SH3RF3: variants seen among roughly 807,000 people sequenced by gnomAD.
The protein encoded by SH3RF3 is SH3 domain containing ring finger 3.
SH3RF3 carries 29 observed loss-of-function variants against 66.3 expected under a neutral mutation model. The ratio of observed to expected loss-of-function variants is 0.44; its 90% CI spans 0.33 to 0.60. The LOEUF is 0.60. SH3RF3 is among the 20% of genes least tolerant of loss of function. The pLI is 0.04. For missense variants in SH3RF3, 1,194 were observed against 1,190.9 expected (o/e 1.00, Z -0.04); for synonymous variants, 583 against 532.0 (o/e 1.10, Z -1.32).
intron 1 of SH3RF3, among the ~76,000 whole-genome samples, chr2:109,323,255 T>C (rs995443466): frequency 1.3e-4 from 20 of 151,852 alleles, no homozygotes; most frequent in Middle Eastern, 3.4e-3. Flanking sequence ...GGGCTGGGAG[T>C]CATTGGGTGT....
chr2:109,458,998 A>G (rs1048977848), intron 8 of SH3RF3, among the ~76,000 whole-genome samples: 14 of 152,184 alleles, frequency 9.2e-5, no homozygotes, highest in African/African-American at 3.4e-4. Context: ...GTTTCCACAT[A>G]AAGACAAAAG....
chr2:109,386,770 C>G (rs186080274), intron 3 of SH3RF3, among the ~76,000 whole-genome samples: 1 of 152,168 alleles, frequency 6.6e-6, no homozygotes, highest in Non-Finnish European at 1.5e-5. Context: ...GAAGAGGAAA[C>G]CTTTGCTAGA....
intron 3 of SH3RF3, among the ~76,000 whole-genome samples, chr2:109,395,947 G>C (rs921726405): frequency 2.6e-5 from 4 of 152,230 alleles, no homozygotes; most frequent in Non-Finnish European, 4.4e-5. Context: ...CTCCAGGCCT[G>C]TTCCTTTGGG....
In SH3RF3 at chr2:109,504,138, A is replaced by G. The variant is rs1679469068; in HGVS notation, c.*2467A>G. 6.6e-6 allele frequency: 1 copy of G among 152,262 alleles called. No homozygotes were observed. Among genetic ancestry groups the G allele is most frequent in the Non-Finnish European group, 1.5e-5 (1 of 68,058 alleles). The allele number at this position is 152,262 out of a possible 1,614,324, so 9.4% of individuals were successfully genotyped here. A position where few individuals can be genotyped will look rare whatever the true frequency, so the allele number is the denominator to read the frequency against. On this transcript the variant is annotated 3_prime_UTR_variant, in exon 10 of 10. Coordinates refer to ENST00000309415, the MANE Select transcript of SH3RF3 (RefSeq NM_001099289.3). ...GTAGCTCGCAGAGAAGAGCAGGAGC[A>G]GAATTAGCCCTTTCTTCAGGCCATC...
intron 3 of SH3RF3, among the ~76,000 whole-genome samples, chr2:109,382,851 G>A (rs937603720): frequency 6.6e-6 from 1 of 152,180 alleles, no homozygotes; most frequent in East Asian, 1.9e-4. Flanking sequence ...TTGGCTGTTG[G>A]ATTATGAACC....
chr2:109,320,256 C>A (rs773447938), intron 1 of SH3RF3, among the ~76,000 whole-genome samples: 12 of 152,114 alleles, frequency 7.9e-5, no homozygotes, highest in Non-Finnish European at 1.3e-4. Flanking sequence ...CAGAGGAGGG[C>A]GGTGGGAATG....
intron 9 of SH3RF3, among the ~76,000 whole-genome samples, chr2:109,497,131 A>G (rs36129872): frequency 0.53 from 80,921 of 151,992 alleles, 21,995 homozygotes; most frequent in East Asian, 0.69. Flanking sequence ...TTTTTATAGT[A>G]TGATGCCACT....
chr2:109,476,200 T>G (rs1573283790), intron 8 of SH3RF3, among the ~76,000 whole-genome samples: 1 of 152,158 alleles, frequency 6.6e-6, no homozygotes, highest in Non-Finnish European at 1.5e-5. Flanking sequence ...GTTACCTGAG[T>G]CCTCCACTCA....
At chr2:109,170,773 C>A (rs1294498874) in intron 1 of SH3RF3, among the ~76,000 whole-genome samples, 4 of 152,210 alleles carry the variant, frequency 2.6e-5, no homozygotes, top group Non-Finnish European at 5.9e-5. Context: ...GTGCGGATGA[C>A]CCATCTGTTT....
intron 2 of SH3RF3, among the ~76,000 whole-genome samples, chr2:109,368,746 AAG>A (rs1219625693): frequency 6.6e-6 from 1 of 151,466 alleles, no homozygotes; most frequent in East Asian, 1.9e-4. Context: ...GAAAGAACGA[AAG>A]AAACAAAATT....
intron 1 of SH3RF3, among the ~76,000 whole-genome samples, chr2:109,232,394 C>T (rs1679534907): frequency 6.6e-6 from 1 of 152,204 alleles, no homozygotes; most frequent in Admixed American, 6.5e-5. Context: ...TTATCACTAA[C>T]TGTGTTACCT....
intron 1 of SH3RF3, among the ~76,000 whole-genome samples, chr2:109,307,415 G>C (rs1037224515): frequency 7.1e-6 from 1 of 141,610 alleles, no homozygotes; most frequent in African/African-American, 2.9e-5. Flanking sequence ...GAGCAGATAA[G>C]ATGCACTTTT....
intron 3 of SH3RF3, among the ~76,000 whole-genome samples, chr2:109,385,302 T>A (rs573943326): frequency 7.6e-4 from 116 of 152,324 alleles, no homozygotes; most frequent in African/African-American, 2.5e-3. Context: ...GAAGTATGTG[T>A]TAGAAATGAT....
chr2:109,139,499 G>A (rs1676888183), intron 1 of SH3RF3, among the ~76,000 whole-genome samples: 1 of 152,180 alleles, frequency 6.6e-6, no homozygotes, highest in South Asian at 2.1e-4. Context: ...TTCTGTGGCT[G>A]AATTTGTGTT....
chr2:109,160,368 G>A (rs1677461319), intron 1 of SH3RF3, among the ~76,000 whole-genome samples: 1 of 152,232 alleles, frequency 6.6e-6, no homozygotes, highest in Admixed American at 6.5e-5. Flanking sequence ...ACACATTTGT[G>A]TGCCCAAAGC....
intron 7 of SH3RF3, among the ~76,000 whole-genome samples, chr2:109,437,918 G>T (rs1288180112): frequency 6.6e-6 from 1 of 152,132 alleles, no homozygotes; most frequent in African/African-American, 2.4e-5. Flanking sequence ...AGCCAGTGAT[G>T]CTGACATGAT....
intron 1 of SH3RF3, among the ~76,000 whole-genome samples, chr2:109,276,460 C>T (rs1680760696): frequency 1.3e-5 from 2 of 152,094 alleles, no homozygotes. Flanking sequence ...CCAGGGAGGG[C>T]AAGAAGCTTT....
chr2:109,345,371 C>T (rs1682665206), intron 1 of SH3RF3, among the ~76,000 whole-genome samples: 1 of 152,116 alleles, frequency 6.6e-6, no homozygotes, highest in Admixed American at 6.6e-5. Context: ...GAGCCGGCCG[C>T]AGAAGGGAGT....
At chr2:109,233,166 G>C (rs530519702) in intron 1 of SH3RF3, among the ~76,000 whole-genome samples, 1 of 152,346 alleles carries the variant, frequency 6.6e-6, no homozygotes. Flanking sequence ...AACCAGCTCA[G>C]TGGACAGTCA....
Sources: gnomAD v4.1 joint callset for allele counts (sites outside exome capture counted in the v4.1 genomes callset) on GRCh38, gnomAD v4.1.1 for gene constraint, MANE v1.5 for transcripts, NCBI Gene and HGNC (gene_info 2026-07-23, HGNC 2026-07-21) for gene names.